The following GRAMD4 variants were observed in gnomAD, a reference collection of about 807,000 sequenced individuals.
GRAMD4 encodes GRAM domain-containing protein 4.
GRAMD4 carries 25 observed loss-of-function variants against 83.9 expected under a neutral mutation model. The ratio of observed to expected loss-of-function variants is 0.30; its 90% CI spans 0.22 to 0.42. The LOEUF (loss-of-function observed/expected upper bound fraction) is 0.42. Among genes scored for constraint, GRAMD4 ranks in the 10% least tolerant of loss-of-function variants. GRAMD4 has a pLI of 1.00. For synonymous variants in GRAMD4, 336 were observed against 320.9 expected (o/e 1.05, Z -0.50); for missense variants, 593 against 788.7 (o/e 0.75, Z 2.97).
At chr22:46,596,026 G>GAA in intron 1 of GRAMD4, among the ~76,000 whole-genome samples, 1 of 152,378 alleles carries the variant, frequency 6.6e-6, no homozygotes, top group Non-Finnish European at 1.5e-5. Flanking sequence ...TGGAAGCGTT[G>GAA]CTTCAGTGCA....
intron 1 of GRAMD4, among the ~76,000 whole-genome samples, chr22:46,585,192 T>C (rs1426565080): frequency 1.4e-5 from 2 of 144,464 alleles, no homozygotes; most frequent in Non-Finnish European, 3.0e-5. Context: ...TTTCTTTCTT[T>C]CTTTTTTTTT....
At chr22:46,671,554 G>A (rs2082505667) in intron 13 of GRAMD4, among the ~76,000 whole-genome samples, 1 of 152,118 alleles carries the variant, frequency 6.6e-6, no homozygotes, top group South Asian at 2.1e-4. Flanking sequence ...TACTCAGGGG[G>A]CTGAAGCAGG....
chr22:46,636,083 C>G (rs1321261231), intron 2 of GRAMD4, among the ~76,000 whole-genome samples: 1 of 152,190 alleles, frequency 6.6e-6, no homozygotes, highest in Non-Finnish European at 1.5e-5. Flanking sequence ...AGCTGGGGTC[C>G]TAGTCTGGCG....
chr22:46,677,026 T>G (rs1469314276), intron 18 of GRAMD4, 121 bp from the exon 19 acceptor site: 2 of 1,173,690 alleles, frequency 1.7e-6, no homozygotes, highest in Admixed American at 4.3e-5. Flanking sequence ...ACCTGTCTTT[T>G]GCACCCAGAC....
At chr22:46,627,940 G>A (rs1018131871) in intron 2 of GRAMD4, among the ~76,000 whole-genome samples, 1 of 152,238 alleles carries the variant, frequency 6.6e-6, no homozygotes, top group East Asian at 1.9e-4. Flanking sequence ...AAAGGTTGTG[G>A]TTGGTCCTGG....
chr22:46,616,903 C>T (rs796789008), upstream of GRAMD4, among the ~76,000 whole-genome samples: 2 of 11,338 alleles, frequency 1.8e-4, no homozygotes, highest in Non-Finnish European at 3.6e-4. Context: ...TAGTTTCCCC[C>T]GTGTGTAGGT....
intron 3 of GRAMD4, 61 bp downstream of exon 3, chr22:46,638,021 G>GGT: frequency 2.6e-6 from 4 of 1,567,102 alleles, no homozygotes; most frequent in Non-Finnish European, 3.5e-6. Context: ...GGCTGAGATG[G>GGT]GGGATGTCGT....
At chr22:46,639,662 C>T (rs1255961680) in intron 3 of GRAMD4, among the ~76,000 whole-genome samples, 3 of 150,638 alleles carry the variant, frequency 2.0e-5, no homozygotes, top group African/African-American at 4.9e-5. Context: ...CCGTGTGCAG[C>T]AGTATTACCG....
chr22:46,667,973 T>C (rs761773464), intron 10 of GRAMD4, 123 bp from the exon 11 acceptor site: 5 of 680,060 alleles, frequency 7.4e-6, no homozygotes, highest in Non-Finnish European at 5.2e-6. Context: ...GGATGTCCCA[T>C]CCCCCCTGGC....
chr22:46,605,580 G>T (rs2081356916), intron 1 of GRAMD4, among the ~76,000 whole-genome samples: 1 of 152,254 alleles, frequency 6.6e-6, no homozygotes, highest in South Asian at 2.1e-4. Context: ...GTGCACAAGG[G>T]TTCCGGTTTC....
At chr22:46,619,837 A>T (rs1226812721), upstream of GRAMD4, among the ~76,000 whole-genome samples, 1 of 151,378 alleles carries the variant, frequency 6.6e-6, no homozygotes, top group Non-Finnish European at 1.5e-5. Context: ...GGCCCACTGC[A>T]GTGGGGGTGG....
chr22:46,619,644 C>T (rs939291541), upstream of GRAMD4, among the ~76,000 whole-genome samples: 2 of 152,224 alleles, frequency 1.3e-5, no homozygotes, highest in Admixed American at 1.3e-4. Flanking sequence ...CGCCCCCGGT[C>T]CTCCTGTTCA....
Position 46,621,388 on chromosome 22 carries a change from T to A in GRAMD4, c.-50+823T>A, listed in dbSNP as rs576515388. 6.6e-6 allele frequency among the ~76,000 whole-genome samples: 1 copy of A among 152,238 alleles called. No homozygotes were observed. The highest frequency in any genetic ancestry group is 6.5e-5 in the Admixed American group (1 of 15,292). On this transcript the variant is annotated intron_variant, in intron 1 of 18. Coordinates refer to ENST00000406902, the MANE Select transcript of GRAMD4 (RefSeq NM_015124.5). This position sits in a 1 kb window ranked among gnomAD's most constrained non-coding sequence, Gnocchi z 5.8. ...AGATGTCACTGAGATGAAGTCACCC[T>A]GGTGTACAGTGGAGCACTCTTCAGT...
Position 46,677,408 on chromosome 22 carries a change from T to C in GRAMD4, c.*157T>C, listed in dbSNP as rs937427471. 5.1e-6 allele frequency: 7 copies of C among 1,375,798 alleles called. No individual in the cohort carries two copies. The highest frequency in any genetic ancestry group is 6.6e-6 in the Non-Finnish European group (7 of 1,064,726). The allele number at this position is 1,375,798 out of a possible 1,614,324, so 85.2% of individuals were successfully genotyped here. The stretch of plus-strand genomic sequence containing the variant: ...TTCTATTGTGTTGACCTCTGCGTTT[T>C]ATCGACCAAGAAGGGGCCAGGGCTC... On this transcript the variant is annotated 3_prime_UTR_variant, in exon 19 of 19. Transcript: ENST00000406902.
chr22:46,604,176 C>T (rs1006275509), intron 1 of GRAMD4, among the ~76,000 whole-genome samples: 3 of 152,160 alleles, frequency 2.0e-5, no homozygotes, highest in African/African-American at 7.2e-5. Flanking sequence ...TGCCCCATTG[C>T]GTTTGCGTGG....
At chr22:46,598,613 T>C (rs1484591143) in intron 1 of GRAMD4, among the ~76,000 whole-genome samples, 2 of 151,958 alleles carry the variant, frequency 1.3e-5, no homozygotes, top group Non-Finnish European at 2.9e-5. Flanking sequence ...TGGTAGCTTC[T>C]GGTTAGTTGA....
intron 1 of GRAMD4, among the ~76,000 whole-genome samples, chr22:46,599,940 C>T (rs2081296589): frequency 2.0e-5 from 3 of 151,854 alleles, no homozygotes; most frequent in Non-Finnish European, 4.4e-5. Flanking sequence ...TGTGTCTCAC[C>T]ACCGGCGGCA....
Position 46,580,839 on chromosome 22 carries a change from T to C in GRAMD4, c.-50+3549T>C, listed in dbSNP as rs139860145. The stretch of plus-strand genomic sequence containing the variant: ...AAAATTAGCCGGGCGTGTTGGCGCA[T>C]GTCTGTCATCCCAGCTACTTGGGAG... On this transcript the variant is annotated intron_variant, in intron 1 of 1. Transcript: ENST00000431155. 4.6e-5 allele frequency among the ~76,000 whole-genome samples: 7 copies of C among 151,888 alleles called. No individual in the cohort carries two copies. The East Asian group carries it at 1.4e-3, about 29-fold the overall frequency.
At chr22:46,585,496 C>G (rs1382399154) in intron 1 of GRAMD4, among the ~76,000 whole-genome samples, 1 of 152,200 alleles carries the variant, frequency 6.6e-6, no homozygotes, top group Non-Finnish European at 1.5e-5. Flanking sequence ...GGCTGCCTGT[C>G]TTGTTTTCTT....
Sources: allele counts gnomAD v4.1 joint callset (sites outside exome capture counted in the v4.1 genomes callset), GRCh38; gene constraint gnomAD v4.1.1; non-coding constraint Gnocchi (gnomAD v3.1); transcripts MANE v1.5; gene names NCBI Gene and HGNC (gene_info 2026-07-23, HGNC 2026-07-21).